The following SYK variants were observed in gnomAD, a reference collection of about 807,000 sequenced individuals.
The protein encoded by SYK is spleen associated tyrosine kinase, also known as tyrosine-protein kinase SYK.
A neutral mutation model predicts 77.8 loss-of-function variants in SYK; 16 were observed. The observed-to-expected ratio is 0.21, with a 90% confidence interval of 0.14 to 0.31. The LOEUF is 0.31. Among genes scored for constraint, SYK ranks in the 10% least tolerant of loss-of-function variants. The probability of loss-of-function intolerance (pLI) is 1.00; values close to 1 mark genes in which losing one functional copy is unlikely to be tolerated. For missense variants in SYK, 529 were observed against 814.4 expected, an observed-to-expected ratio of 0.65 and a Z score of 4.26; for synonymous variants, 312 against 308.7, an observed-to-expected ratio of 1.01 and a Z score of -0.11.
At chr9:90,863,529 G>C (rs1051727289) in intron 4 of SYK, among the ~76,000 whole-genome samples, 3 of 151,598 alleles carry the variant, frequency 2.0e-5, no homozygotes, top group Admixed American at 6.6e-5. Flanking sequence ...CTCCTTTTTT[G>C]AATGCTGGAT....
At chr9:90,883,223 G>C (rs1466304438) in intron 11 of SYK, among the ~76,000 whole-genome samples, 1 of 151,954 alleles carries the variant, frequency 6.6e-6, no homozygotes, top group African/African-American at 2.4e-5. Context: ...CTGTGGGGCT[G>C]AGACACAAGC....
intron 13 of SYK, among the ~76,000 whole-genome samples, chr9:90,890,632 G>T (rs1456401732): frequency 6.6e-6 from 1 of 152,312 alleles, no homozygotes; most frequent in South Asian, 2.1e-4. Flanking sequence ...ACAAGCCCCA[G>T]TCAAAAGGAA....
chr9:90,831,513 G>A (rs1288700979), intron 1 of SYK, among the ~76,000 whole-genome samples: 4 of 152,170 alleles, frequency 2.6e-5, no homozygotes, highest in Non-Finnish European at 5.9e-5. Context: ...AACATCCAAG[G>A]TAAATTTATA....
chr9:90,807,478 C>T (rs1824881866), intron 1 of SYK, among the ~76,000 whole-genome samples: 1 of 152,108 alleles, frequency 6.6e-6, no homozygotes, highest in African/African-American at 2.4e-5. Context: ...ATGGAGCAGT[C>T]ACAGGGGGCT....
In SYK at chr9:90,857,489, G is replaced by A. The variant is rs536151578; in HGVS notation, c.579-4717G>A. 1.1e-3 allele frequency among the ~76,000 whole-genome samples: 174 copies of A among 152,330 alleles called. 1 individual carries two copies. Among genetic ancestry groups the A allele is most frequent in the African/African-American group, 3.9e-3 (163 of 41,576 alleles). ...GCGTTTGTAATAAAATGTTTTAAACGACAGGTGTGTTAAAACAGCTTGGTG... is the reference window on the plus strand; with the variant it reads ...GCGTTTGTAATAAAATGTTTTAAACAACAGGTGTGTTAAAACAGCTTGGTG... On this transcript the variant is annotated intron_variant, in intron 3 of 13. Coordinates refer to ENST00000375754, the MANE Select transcript of SYK (RefSeq NM_003177.7).
At chr9:90,846,060 G>A (rs10993709) in intron 3 of SYK, among the ~76,000 whole-genome samples, 7,891 of 152,322 alleles carry the variant, frequency 0.052, 275 homozygotes, top group Middle Eastern at 0.082. Context: ...CATGAGTGGT[G>A]AGTGCAGGTT....
intron 3 of SYK, among the ~76,000 whole-genome samples, chr9:90,855,706 G>C (rs891393454): frequency 6.6e-6 from 1 of 152,048 alleles, no homozygotes; most frequent in African/African-American, 2.4e-5. Flanking sequence ...GTGAGAGAGA[G>C]AGAGAGAGAG....
chr9:90,827,743 T>G (rs966088460), intron 1 of SYK, among the ~76,000 whole-genome samples: 1 of 152,238 alleles, frequency 6.6e-6, no homozygotes, highest in Non-Finnish European at 1.5e-5. Flanking sequence ...CATCTTGAGC[T>G]GGAAGGTTTA....
intron 1 of SYK, among the ~76,000 whole-genome samples, chr9:90,843,130 C>A (rs1315937788): frequency 6.6e-6 from 1 of 152,150 alleles, no homozygotes; most frequent in African/African-American, 2.4e-5. Flanking sequence ...AGGAAGTGGT[C>A]TGGAGAAGCG....
chr9:90,810,487 A>T (rs1444675174), intron 1 of SYK, among the ~76,000 whole-genome samples: 1 of 86,768 alleles, frequency 1.2e-5, no homozygotes, highest in Non-Finnish European at 2.6e-5. Flanking sequence ...GGACATCAAC[A>T]TTTGAACTTG....
chr9:90,850,904 C>T (rs967108512), intron 3 of SYK, among the ~76,000 whole-genome samples: 2 of 151,964 alleles, frequency 1.3e-5, no homozygotes, highest in South Asian at 4.2e-4. Context: ...ATTATAAATC[C>T]TAGGTAATGC....
At chr9:90,893,808 A>C (rs1409408117) in intron 13 of SYK, among the ~76,000 whole-genome samples, 2 of 152,188 alleles carry the variant, frequency 1.3e-5, no homozygotes, top group Non-Finnish European at 2.9e-5. Flanking sequence ...AGCAAGGTTG[A>C]GTGCAGGGAT....
intron 1 of SYK, among the ~76,000 whole-genome samples, chr9:90,810,131 C>T (rs1381838015): frequency 6.6e-6 from 1 of 152,162 alleles, no homozygotes; most frequent in Non-Finnish European, 1.5e-5. Flanking sequence ...TCAGTCCGAT[C>T]AGGCTTTCAT....
At chr9:90,841,087 G>C (rs964932462) in intron 1 of SYK, among the ~76,000 whole-genome samples, 1 of 151,726 alleles carries the variant, frequency 6.6e-6, no homozygotes, top group Non-Finnish European at 1.5e-5. Context: ...GTGTGTGTGT[G>C]GCATGTATGT....
At chr9:90,828,388 A>G (rs1327642933) in intron 1 of SYK, among the ~76,000 whole-genome samples, 1 of 152,152 alleles carries the variant, frequency 6.6e-6, no homozygotes, top group African/African-American at 2.4e-5. Flanking sequence ...AGTAAGATCT[A>G]TCAGGCATAT....
intron 1 of SYK, among the ~76,000 whole-genome samples, chr9:90,826,509 T>A (rs941978713): frequency 6.6e-6 from 1 of 152,268 alleles, no homozygotes; most frequent in African/African-American, 2.4e-5. Context: ...TTCACAAGTT[T>A]GGGGTGCAGG....
At chr9:90,884,308 C>CAT (rs1828324280) in intron 11 of SYK, among the ~76,000 whole-genome samples, 1 of 126,544 alleles carries the variant, frequency 7.9e-6, no homozygotes, top group Non-Finnish European at 1.8e-5. Context: ...TATATATACA[C>CAT]ACATATACAC....
intron 1 of SYK, among the ~76,000 whole-genome samples, chr9:90,816,530 T>G (rs290985): frequency 0.24 from 36,363 of 152,106 alleles, 4,990 homozygotes; most frequent in East Asian, 0.59. Flanking sequence ...TTAAAAATTT[T>G]TTGGACAAAT....
At chr9:90,871,537 C>T (rs1827726858) in intron 7 of SYK, among the ~76,000 whole-genome samples, 1 of 152,098 alleles carries the variant, frequency 6.6e-6, no homozygotes, top group Non-Finnish European at 1.5e-5. Flanking sequence ...TGAGCATTTT[C>T]TTTTAGAGAT....
Sources: gnomAD v4.1 joint callset for allele counts (sites outside exome capture counted in the v4.1 genomes callset) on GRCh38, gnomAD v4.1.1 for gene constraint, MANE v1.5 for transcripts, NCBI Gene and HGNC (gene_info 2026-07-23, HGNC 2026-07-21) for gene names.